Variants in STXBP5 observed in about 807,000 individuals in gnomAD.
The protein encoded by STXBP5 is syntaxin binding protein 5.
Under a neutral mutation model 152.4 loss-of-function variants are expected in STXBP5, and 50 were observed. The observed-to-expected ratio is 0.33, with a 90% CI of 0.26 to 0.42. The LOEUF is 0.42. STXBP5 is among the 10% of genes least tolerant of loss of function. STXBP5 has a pLI of 1.00. For missense variants in STXBP5, 1,167 were observed against 1,388.6 expected (o/e 0.84, Z 2.54); for synonymous variants, 492 against 494.7 (o/e 0.99, Z 0.07).
intron 21 of STXBP5, among the ~76,000 whole-genome samples, chr6:147,351,140 T>C (rs1784572080): frequency 6.6e-6 from 1 of 152,200 alleles, no homozygotes; most frequent in Non-Finnish European, 1.5e-5. Flanking sequence ...TACTCAAAAG[T>C]GTGGTCCACA....
At chr6:147,309,393 A>G (rs1220879717) in intron 9 of STXBP5, among the ~76,000 whole-genome samples, 1 of 152,164 alleles carries the variant, frequency 6.6e-6, no homozygotes, top group African/African-American at 2.4e-5. Flanking sequence ...AGACCATAAT[A>G]TGTGAAAAAA....
chr6:147,324,148 G>GCACACA (rs150900221), intron 16 of STXBP5, among the ~76,000 whole-genome samples: 1 of 150,576 alleles, frequency 6.6e-6, no homozygotes, highest in Admixed American at 6.6e-5. Flanking sequence ...GAAAGTAGGT[G>GCACACA]CACACACACA....
intron 14 of STXBP5, among the ~76,000 whole-genome samples, chr6:147,315,115 G>A (rs1782578148): frequency 6.6e-6 from 1 of 152,074 alleles, no homozygotes; most frequent in African/African-American, 2.4e-5. Context: ...GATATGTTGT[G>A]TTTCCTCATG....
chr6:147,270,844 G>A (rs999388981), intron 7 of STXBP5, among the ~76,000 whole-genome samples: 4 of 152,032 alleles, frequency 2.6e-5, no homozygotes, highest in African/African-American at 9.7e-5. Flanking sequence ...CACAATGGTC[G>A]GAAGACATGG....
At position 147,390,197 on chromosome 6, in the gene STXBP5, A is replaced by G. The variant is rs1786526346; in HGVS notation, c.*5442A>G. 2 of 152,020 alleles carry G rather than the reference A, an allele frequency of 1.3e-5. No homozygotes were observed. Among genetic ancestry groups the G allele is most frequent in the Admixed American group, 6.6e-5 (1 of 15,234 alleles). The allele number at this position is 152,020 out of a possible 1,614,324, so 9.4% of individuals were successfully genotyped here. The stretch of plus-strand genomic sequence containing the variant: ...AAAAAATCTGTGTATTGTTTCATCT[A>G]AAAAGAAAAGCACTATTGGAAACAC... On this transcript the variant is annotated 3_prime_UTR_variant, in exon 28 of 28. Transcript: ENST00000321680.
intron 4 of STXBP5, among the ~76,000 whole-genome samples, chr6:147,245,874 AAC>A (rs757368214): frequency 5.9e-5 from 9 of 152,168 alleles, no homozygotes; most frequent in Non-Finnish European, 1.0e-4. Context: ...AGAGGCATGC[AAC>A]AGATTCTCCC....
intron 6 of STXBP5, among the ~76,000 whole-genome samples, chr6:147,264,495 A>G (rs1397822525): frequency 1.3e-5 from 2 of 152,100 alleles, no homozygotes; most frequent in Non-Finnish European, 2.9e-5. Context: ...ACTTTGGCGG[A>G]TCTGAGATTT....
At chr6:147,328,659 G>C (rs1289488841) in intron 18 of STXBP5, 4 of 460,468 alleles carry the variant, frequency 8.7e-6, no homozygotes, top group African/African-American at 8.1e-5. Flanking sequence ...TAGTATTTTT[G>C]TCTCCTTTTA....
chr6:147,319,565 C>T (rs975024198), intron 16 of STXBP5, among the ~76,000 whole-genome samples: 2 of 152,052 alleles, frequency 1.3e-5, no homozygotes, highest in African/African-American at 4.8e-5. Context: ...TAACAACTAA[C>T]CTCATGTATA....
chr6:147,343,994 G>T (rs1389618636), intron 21 of STXBP5, among the ~76,000 whole-genome samples: 1 of 152,058 alleles, frequency 6.6e-6, no homozygotes, highest in Non-Finnish European at 1.5e-5. Context: ...TATTTTGAAA[G>T]AAAATTATTT....
intron 21 of STXBP5, 85 bp from the exon 22 acceptor site, chr6:147,353,238 G>A: frequency 1.3e-6 from 1 of 780,758 alleles, no homozygotes; most frequent in African/African-American, 1.8e-5. Flanking sequence ...AGTAATAAAA[G>A]TATTCACTTC....
At chr6:147,241,170 T>G (rs1349478429) in intron 4 of STXBP5, among the ~76,000 whole-genome samples, 2 of 152,162 alleles carry the variant, frequency 1.3e-5, no homozygotes, top group South Asian at 4.1e-4. Flanking sequence ...ACAGAGAATT[T>G]CCATATACCT....
At chr6:147,235,141 G>A (rs1778206453) in intron 2 of STXBP5, 109 bp from the exon 3 acceptor site, 2 of 811,952 alleles carry the variant, frequency 2.5e-6, no homozygotes, top group Non-Finnish European at 4.0e-6. Flanking sequence ...TCAGTAAATG[G>A]CCTGTATTGA....
chr6:147,334,638 A>G (rs1783741445), intron 19 of STXBP5, among the ~76,000 whole-genome samples: 1 of 152,154 alleles, frequency 6.6e-6, no homozygotes, highest in African/African-American at 2.4e-5. Context: ...ATTTTTATTT[A>G]TGATGAAAAT....
In STXBP5 at chr6:147,233,448, C is replaced by A. The variant is rs1228738745; in HGVS notation, c.249-1802C>A. On this transcript the variant is annotated intron_variant, in intron 2 of 27. Coordinates refer to ENST00000321680, the MANE Select transcript of STXBP5 (RefSeq NM_001127715.4). The stretch of plus-strand genomic sequence containing the variant: ...TCTTTGCCTAATATCAAAAGATTAG[C>A]AATATTATGTATGTTTTGTGATAAT... Among the ~76,000 whole-genome samples the A allele has an allele frequency of 9.9e-5, 15 of 151,672 alleles. No homozygotes were observed. In the East Asian group the frequency reaches 2.9e-3, roughly 29 times the overall value.
chr6:147,320,579 G>GTGTGTGTGTTTGTGTT (rs1554297944), intron 16 of STXBP5, among the ~76,000 whole-genome samples: 1 of 148,958 alleles, frequency 6.7e-6, no homozygotes, highest in African/African-American at 2.5e-5. Flanking sequence ...GTGTGTGTGT[G>GTGTGTGTGTTTGTGTT]TGTGTGTGTG....
In STXBP5 at chr6:147,359,282, G is replaced by A. The variant is rs1325583848; in HGVS notation, c.2504G>A (p.Gly835Glu). The change falls in exon 23 of 28, where the codon GGA becomes GAA. Residue 835 changes from glycine to glutamate, a missense_variant. Coordinates refer to ENST00000321680, the MANE Select transcript of STXBP5 (RefSeq NM_001127715.4). The part of the protein sequence containing the change: ...LVIALNLPPG[G>E]EQRLLQPVIV... ...ATTGCACTGAACCTTCCCCCAGGGGGAGAGCAAAGACTTCTTCAGCCAGTA... is the reference window on the plus strand; with the variant it reads ...ATTGCACTGAACCTTCCCCCAGGGGAAGAGCAAAGACTTCTTCAGCCAGTA... The A allele has an allele frequency of 3.7e-6, 6 of 1,613,976 alleles. No homozygotes were observed. The South Asian group carries it at 6.6e-5, about 18-fold the overall frequency.
chr6:147,373,581 G>A (rs1466524413), intron 25 of STXBP5, 150 bp from the exon 26 acceptor site: 1 of 529,594 alleles, frequency 1.9e-6, no homozygotes, highest in Non-Finnish European at 3.4e-6. Flanking sequence ...AGCACGTTCT[G>A]TATCTGATCG....
At chr6:147,225,924 G>A (rs1044581630) in intron 2 of STXBP5, among the ~76,000 whole-genome samples, 1 of 152,072 alleles carries the variant, frequency 6.6e-6, no homozygotes, top group African/African-American at 2.4e-5. Context: ...AGAGAAAATC[G>A]AGTCCAATTT....
Sources: gnomAD v4.1 joint callset for allele counts (sites outside exome capture counted in the v4.1 genomes callset) on GRCh38, gnomAD v4.1.1 for gene constraint, MANE v1.5 for transcripts, NCBI Gene and HGNC (gene_info 2026-07-23, HGNC 2026-07-21) for gene names.